RAB3C: variants seen among roughly 807,000 people sequenced by gnomAD.
RAB3C encodes the protein RAB3C, member RAS oncogene family, also known as ras-related protein Rab-3C.
RAB3C carries 17 observed loss-of-function variants against 26.4 expected under a neutral mutation model. The ratio of observed to expected loss-of-function variants is 0.64; its 90% confidence interval spans 0.44 to 0.97. RAB3C has a LOEUF of 0.97. RAB3C is among the 50% of genes least tolerant of loss of function. RAB3C has a pLI of 0.00. For missense variants in RAB3C, 242 were observed against 281.9 expected, an observed-to-expected ratio of 0.86 and a Z score of 1.01; for synonymous variants, 91 against 95.9, an observed-to-expected ratio of 0.95 and a Z score of 0.30.
chr5:58,813,230 T>C (rs907282052), intron 3 of RAB3C, among the ~76,000 whole-genome samples: 2 of 152,206 alleles, frequency 1.3e-5, no homozygotes, highest in African/African-American at 2.4e-5. Context: ...TTTATTGTTA[T>C]ATGTCTGAAT....
At chr5:58,680,933 C>T (rs1025992456) in intron 2 of RAB3C, among the ~76,000 whole-genome samples, 6 of 152,198 alleles carry the variant, frequency 3.9e-5, no homozygotes, top group Admixed American at 1.3e-4. Flanking sequence ...CAGCCCACCA[C>T]ATCCCCCTTG....
At chr5:58,777,428 A>G (rs1331881033) in intron 3 of RAB3C, among the ~76,000 whole-genome samples, 1 of 152,126 alleles carries the variant, frequency 6.6e-6, no homozygotes, top group East Asian at 1.9e-4. Context: ...GAGCATCAAG[A>G]TCCACCTCAA....
At chr5:58,833,304 A>G (rs1278566612) in intron 4 of RAB3C, among the ~76,000 whole-genome samples, 3 of 148,644 alleles carry the variant, frequency 2.0e-5, no homozygotes, top group African/African-American at 7.5e-5. Context: ...AGCATTTTAA[A>G]AACCATGGCA....
At chr5:58,711,164 G>A (rs996000387) in intron 2 of RAB3C, among the ~76,000 whole-genome samples, 1 of 152,212 alleles carries the variant, frequency 6.6e-6, no homozygotes, top group African/African-American at 2.4e-5. Context: ...AGGAGAGCAT[G>A]TGAATTCTGG....
chr5:58,747,386 C>T (rs1167587878), intron 3 of RAB3C, among the ~76,000 whole-genome samples: 1 of 152,078 alleles, frequency 6.6e-6, no homozygotes, highest in Non-Finnish European at 1.5e-5. Flanking sequence ...TGAGTGTCCT[C>T]TATTTTATTT....
rs142103292 is a variant in RAB3C, at chr5:58,710,235, T to C, written c.253-15767T>C. ...TATTATTTTAAAAGCAACTAATAAGTAAATTGGACCCACTTATAAAGAGAA... is the reference window on the plus strand; with the variant it reads ...TATTATTTTAAAAGCAACTAATAAGCAAATTGGACCCACTTATAAAGAGAA... On this transcript the variant is annotated intron_variant, in intron 2 of 4. Coordinates refer to ENST00000282878, the MANE Select transcript of RAB3C (RefSeq NM_138453.4). Among the ~76,000 whole-genome samples, 1,107 of 152,266 alleles carry C rather than the reference T, an allele frequency of 7.3e-3. 11 individuals are homozygous for C. The highest frequency in any genetic ancestry group is 0.025 in the African/African-American group (1,053 of 41,542).
At chr5:58,670,282 G>T (rs542664143) in intron 2 of RAB3C, among the ~76,000 whole-genome samples, 1 of 151,690 alleles carries the variant, frequency 6.6e-6, no homozygotes, top group African/African-American at 2.4e-5. Context: ...GCCTACATAC[G>T]CTTCTTAAAA....
At chr5:58,713,665 A>C (rs1261150137) in intron 2 of RAB3C, among the ~76,000 whole-genome samples, 1 of 152,220 alleles carries the variant, frequency 6.6e-6, no homozygotes, top group Non-Finnish European at 1.5e-5. Context: ...ATGGTAATAT[A>C]ACAAGAATCT....
chr5:58,677,053 A>C (rs1018655569), intron 2 of RAB3C, among the ~76,000 whole-genome samples: 2 of 152,146 alleles, frequency 1.3e-5, no homozygotes, highest in Admixed American at 6.5e-5. Flanking sequence ...GCCTCTAGGG[A>C]AGGATCTCTT....
intron 2 of RAB3C, among the ~76,000 whole-genome samples, chr5:58,689,057 A>G (rs763401288): frequency 4.7e-4 from 71 of 152,234 alleles, no homozygotes; most frequent in South Asian, 8.3e-4. Context: ...CAGAAGCTCT[A>G]TGAAGTTGAT....
intron 2 of RAB3C, among the ~76,000 whole-genome samples, chr5:58,682,019 A>C (rs1307283214): frequency 6.6e-6 from 1 of 152,216 alleles, no homozygotes; most frequent in Non-Finnish European, 1.5e-5. Context: ...AAGGTTTCCA[A>C]AGTTCAAGCT....
At chr5:58,814,125 G>C (rs1743160162) in intron 3 of RAB3C, among the ~76,000 whole-genome samples, 1 of 152,124 alleles carries the variant, frequency 6.6e-6, no homozygotes. Context: ...CCAGTTCCCT[G>C]CCTAGAAAAG....
chr5:58,692,584 G>A (rs1162845062), intron 2 of RAB3C, among the ~76,000 whole-genome samples: 1 of 151,922 alleles, frequency 6.6e-6, no homozygotes, highest in African/African-American at 2.4e-5. Context: ...AAACATTGAG[G>A]TGATAATAGC....
chr5:58,648,360 G>C (rs1747571442), intron 2 of RAB3C, among the ~76,000 whole-genome samples: 1 of 152,158 alleles, frequency 6.6e-6, no homozygotes, highest in South Asian at 2.1e-4. Flanking sequence ...TGTGTGCAAA[G>C]ATGAACAAGA....
intron 2 of RAB3C, among the ~76,000 whole-genome samples, chr5:58,648,024 T>TA (rs1193873168): frequency 4.6e-5 from 7 of 152,210 alleles, no homozygotes; most frequent in African/African-American, 9.7e-5. Flanking sequence ...CCACAGTTTT[T>TA]ATCTAAGTTT....
intron 3 of RAB3C, among the ~76,000 whole-genome samples, chr5:58,761,365 T>C (rs1236507959): frequency 6.6e-6 from 1 of 152,188 alleles, no homozygotes; most frequent in African/African-American, 2.4e-5. Context: ...CAAATAAAAA[T>C]TATACAATTA....
intron 1 of RAB3C, among the ~76,000 whole-genome samples, chr5:58,602,368 T>C (rs1294565024): frequency 6.6e-6 from 1 of 152,184 alleles, no homozygotes; most frequent in Non-Finnish European, 1.5e-5. Context: ...TAAGTCCATT[T>C]GTTCCAAGGT....
Position 58,716,445 on chromosome 5 carries a change from A to G in RAB3C, c.253-9557A>G, listed in dbSNP as rs537301274. 2.6e-5 allele frequency among the ~76,000 whole-genome samples: 4 copies of G among 152,212 alleles called. No individual in the cohort carries two copies. In the South Asian group the frequency reaches 8.3e-4, roughly 32 times the overall value. On this transcript the variant is annotated intron_variant, in intron 2 of 4. Transcript: ENST00000282878. The stretch of plus-strand genomic sequence containing the variant: ...GGACTAGACTTTGGATATTTGAGAA[A>G]AGCTGATCTTTGGTATGACCTGTGT...
chr5:58,673,481 CACACACAT>C (rs1256007427), intron 2 of RAB3C, among the ~76,000 whole-genome samples: 2 of 142,918 alleles, frequency 1.4e-5, no homozygotes, highest in African/African-American at 5.3e-5. Flanking sequence ...CACACACACA[CACACACAT>C]ACAATTTTCA....
Sources: gnomAD v4.1 joint callset for allele counts (sites outside exome capture counted in the v4.1 genomes callset) on GRCh38, gnomAD v4.1.1 for gene constraint, MANE v1.5 for transcripts, NCBI Gene and HGNC (gene_info 2026-07-23, HGNC 2026-07-21) for gene names.